The following PAK1 variants were observed in gnomAD, a reference collection of about 807,000 sequenced individuals.
The protein encoded by PAK1 is serine/threonine-protein kinase PAK 1.
PAK1 carries 29 observed loss-of-function variants against 67.4 expected under a neutral mutation model. The ratio of observed to expected loss-of-function variants is 0.43; its 90% CI spans 0.32 to 0.59. The LOEUF (loss-of-function observed/expected upper bound fraction) is 0.59, where lower values mean the gene tolerates loss of function less well. Ranked by LOEUF, PAK1 falls within the 20% of genes least tolerant of loss-of-function variation. The probability of loss-of-function intolerance (pLI) is 0.07; values close to 1 mark genes in which losing one functional copy is unlikely to be tolerated. For synonymous variants in PAK1, 223 were observed against 237.4 expected, an observed-to-expected ratio of 0.94 and a Z score of 0.56; for missense variants, 337 against 670.7, an observed-to-expected ratio of 0.50 and a Z score of 5.50.
At chr11:77,350,843 GATT>G (rs1182962124) in intron 8 of PAK1, among the ~76,000 whole-genome samples, 1 of 152,096 alleles carries the variant, frequency 6.6e-6, no homozygotes, top group Non-Finnish European at 1.5e-5. Context: ...TTCACTGCCT[GATT>G]ATCCTGCCCC....
intron 1 of PAK1, among the ~76,000 whole-genome samples, chr11:77,453,210 C>T (rs963686696): frequency 6.6e-6 from 1 of 152,110 alleles, no homozygotes; most frequent in Non-Finnish European, 1.5e-5. Context: ...CAAAAATTAG[C>T]CAGGTGTATG....
chr11:77,338,742 A>C (rs1591746550), intron 11 of PAK1, among the ~76,000 whole-genome samples: 2 of 152,206 alleles, frequency 1.3e-5, no homozygotes, highest in Admixed American at 6.5e-5. Context: ...TGGCAATAAA[A>C]AGGAATGAGG....
chr11:77,407,414 T>G (rs1033657944), intron 1 of PAK1, among the ~76,000 whole-genome samples: 4 of 151,984 alleles, frequency 2.6e-5, no homozygotes, highest in African/African-American at 9.7e-5. Context: ...AGTCTGTGAG[T>G]TTTTCGAGGG....
chr11:77,327,258 C>A (rs968756206), intron 14 of PAK1, among the ~76,000 whole-genome samples: 5 of 152,126 alleles, frequency 3.3e-5, no homozygotes, highest in African/African-American at 1.2e-4. Context: ...GGCAGGCCAA[C>A]ATTCAAATTC....
At chr11:77,510,528 G>A in the PAK1 span, among the ~76,000 whole-genome samples, 50 of 152,236 alleles carry the variant, frequency 3.3e-4, no homozygotes, top group South Asian at 8.9e-3. Context: ...TGTGTACACC[G>A]CACCTGGCCA....
intron 7 of PAK1, 95 bp downstream of exon 7, chr11:77,355,573 C>T: frequency 9.9e-7 from 1 of 1,005,276 alleles, no homozygotes; most frequent in Non-Finnish European, 1.5e-6. Flanking sequence ...CAAGCATGGC[C>T]AGCCAGCTGC....
intron 8 of PAK1, among the ~76,000 whole-genome samples, chr11:77,350,166 T>G (rs1945036823): frequency 6.6e-6 from 1 of 152,216 alleles, no homozygotes; most frequent in Non-Finnish European, 1.5e-5. Flanking sequence ...TTCAATCATT[T>G]ATTCCATCAA....
the PAK1 span, among the ~76,000 whole-genome samples, chr11:77,529,465 T>C: frequency 6.6e-6 from 1 of 152,202 alleles, no homozygotes; most frequent in African/African-American, 2.4e-5. Context: ...AGGGCAACCT[T>C]TTACATTAGA....
rs573179178 is a variant in PAK1 at position 77,350,404 on chromosome 11, G to A, written c.837-1117C>T. On this transcript the variant is annotated intron_variant, in intron 8 of 14. Coordinates refer to ENST00000356341, the MANE Select transcript of PAK1 (RefSeq NM_002576.5). Reference sequence around the variant, plus strand: ...CACATTCATATATACAGACAGAGAAGGGGGGAAGAAATGCAGAAATAATGC... The same window carrying A: ...CACATTCATATATACAGACAGAGAAAGGGGGAAGAAATGCAGAAATAATGC... 2.0e-3 allele frequency among the ~76,000 whole-genome samples: 302 copies of A among 152,230 alleles called. 2 individuals are homozygous for A. The highest frequency in any genetic ancestry group is 3.5e-3 in the Non-Finnish European group (237 of 68,002).
At position 77,365,332 on chromosome 11, in the gene PAK1, A is replaced by G. The variant is rs186689574; in HGVS notation, c.478-6315T>C. ...TAATATAAAGAACTGAGGTAAAAAA[A>G]AATTAAAGAAAAAAACAGAGCATCA... On this transcript the variant is annotated intron_variant, in intron 5 of 14. Coordinates refer to ENST00000356341, the MANE Select transcript of PAK1 (RefSeq NM_002576.5). 4.1e-3 allele frequency among the ~76,000 whole-genome samples: 623 copies of G among 151,562 alleles called. 2 individuals are homozygous for G. Among genetic ancestry groups the G allele is most frequent in the Middle Eastern group, 0.02 (6 of 294 alleles).
At chr11:77,508,778 G>C in the PAK1 span, among the ~76,000 whole-genome samples, 4 of 150,180 alleles carry the variant, frequency 2.7e-5, no homozygotes, top group Middle Eastern at 3.4e-3. Flanking sequence ...TCCCGCCTCA[G>C]CCTCCTGAGT....
the PAK1 span, among the ~76,000 whole-genome samples, chr11:77,512,577 C>CT: frequency 6.6e-6 from 1 of 151,990 alleles, no homozygotes. Flanking sequence ...TGATTGTATC[C>CT]TTTTTTAAGG....
upstream of PAK1, chr11:77,476,666 G>C (rs1275920638): frequency 6.6e-6 from 1 of 152,134 alleles, no homozygotes; most frequent in Non-Finnish European, 1.5e-5. Context: ...TAGGACTTCT[G>C]AACTACAGAA....
At chr11:77,358,626 C>T (rs1946360962) in intron 6 of PAK1, among the ~76,000 whole-genome samples, 1 of 152,072 alleles carries the variant, frequency 6.6e-6, no homozygotes, top group Non-Finnish European at 1.5e-5. Context: ...TCTTCCTGTC[C>T]TATCTGTGGA....
chr11:77,350,805 T>C (rs1209053053), intron 8 of PAK1, among the ~76,000 whole-genome samples: 1 of 152,148 alleles, frequency 6.6e-6, no homozygotes, highest in African/African-American at 2.4e-5. Flanking sequence ...AAAATAAGGA[T>C]TGGATGACTT....
chr11:77,503,580 A>C, the PAK1 span, among the ~76,000 whole-genome samples: 3 of 152,268 alleles, frequency 2.0e-5, no homozygotes, highest in Non-Finnish European at 2.9e-5. Context: ...ATAAAGTATT[A>C]GGTCAGGCAT....
chr11:77,483,353 G>C, the PAK1 span, among the ~76,000 whole-genome samples: 9 of 152,176 alleles, frequency 5.9e-5, no homozygotes, highest in African/African-American at 2.2e-4. Context: ...AAAAGGAATA[G>C]ACATGCTGGG....
intron 2 of PAK1, among the ~76,000 whole-genome samples, chr11:77,380,613 C>T (rs942570481): frequency 6.6e-6 from 1 of 152,138 alleles, no homozygotes; most frequent in Non-Finnish European, 1.5e-5. Context: ...TTTTGTGAAG[C>T]CCTCCTTGAT....
rs138810015 is a variant in PAK1, at chr11:77,376,650, T to C, written c.440-2285A>G. ...TACCTGGGAGGCTGAGGCAGAAGAATTGCATGAACCCAGGAGGCAGATGTT... is the reference window on the plus strand; with the variant it reads ...TACCTGGGAGGCTGAGGCAGAAGAACTGCATGAACCCAGGAGGCAGATGTT... On this transcript the variant is annotated intron_variant, in intron 4 of 14. Coordinates refer to ENST00000356341, the MANE Select transcript of PAK1 (RefSeq NM_002576.5). Among the ~76,000 whole-genome samples, 79 of 151,184 alleles carry C rather than the reference T, an allele frequency of 5.2e-4. 1 individual carries two copies. Among genetic ancestry groups the C allele is most frequent in the African/African-American group, 1.8e-3 (74 of 41,102 alleles).
Sources: gnomAD v4.1 joint callset for allele counts (sites outside exome capture counted in the v4.1 genomes callset) on GRCh38, gnomAD v4.1.1 for gene constraint, MANE v1.5 for transcripts, NCBI Gene and HGNC (gene_info 2026-07-23, HGNC 2026-07-21) for gene names.